Variants in COL4A1 observed in about 807,000 individuals in gnomAD.
COL4A1 encodes collagen type IV alpha 1 chain.
Under a neutral mutation model 216.6 loss-of-function variants are expected in COL4A1, and 40 were observed. The ratio of observed to expected loss-of-function variants is 0.18; its 90% confidence interval spans 0.14 to 0.24. The LOEUF (loss-of-function observed/expected upper bound fraction) is 0.24, where lower values mean the gene tolerates loss of function less well. COL4A1 is among the 10% of genes least tolerant of loss of function. The probability of loss-of-function intolerance (pLI) is 1.00; values close to 1 mark genes in which losing one functional copy is unlikely to be tolerated. For missense variants in COL4A1, 1,628 were observed against 2,196.8 expected, an observed-to-expected ratio of 0.74 and a Z score of 5.18; for synonymous variants, 839 against 810.7, an observed-to-expected ratio of 1.03 and a Z score of -0.59.
intron 2 of COL4A1, among the ~76,000 whole-genome samples, chr13:110,228,294 TG>T (rs1880844777): frequency 6.6e-6 from 1 of 151,846 alleles, no homozygotes; most frequent in South Asian, 2.1e-4. Context: ...AGAACATGTG[TG>T]TTCTTCTCTG....
chr13:110,179,533 A>G (rs1028248633), intron 29 of COL4A1, 112 bp from the exon 30 acceptor site: 30 of 1,474,956 alleles, frequency 2.0e-5, no homozygotes, highest in Non-Finnish European at 2.5e-5. Context: ...TTTAGTAAGA[A>G]TATTATCTGC....
chr13:110,237,389 C>T (rs914562639), intron 2 of COL4A1, among the ~76,000 whole-genome samples: 4 of 152,258 alleles, frequency 2.6e-5, no homozygotes, highest in African/African-American at 7.2e-5. Context: ...GCACCCCCCA[C>T]CCCCCGCCAG....
At chr13:110,282,231 G>A (rs184701372) in intron 1 of COL4A1, among the ~76,000 whole-genome samples, 1 of 152,192 alleles carries the variant, frequency 6.6e-6, no homozygotes, top group East Asian at 1.9e-4. Flanking sequence ...AATACTAGTG[G>A]AGAAAAGTCC....
intron 2 of COL4A1, among the ~76,000 whole-genome samples, chr13:110,239,860 G>A (rs754136074): frequency 4.4e-4 from 67 of 152,180 alleles, no homozygotes; most frequent in Non-Finnish European, 9.1e-4. Context: ...GCTCAGTGAA[G>A]CTGAGGCATT....
chr13:110,221,727 C>G (rs998915109), intron 2 of COL4A1, among the ~76,000 whole-genome samples: 2 of 152,132 alleles, frequency 1.3e-5, no homozygotes, highest in African/African-American at 4.8e-5. Flanking sequence ...AAAAACAGTC[C>G]AAAATGCTCT....
intron 29 of COL4A1, among the ~76,000 whole-genome samples, chr13:110,180,283 C>T (rs903150898): frequency 8.5e-5 from 13 of 152,250 alleles, no homozygotes; most frequent in African/African-American, 2.2e-4. Flanking sequence ...CAAGTTGCCG[C>T]GGTTGACTAA....
intron 18 of COL4A1, among the ~76,000 whole-genome samples, chr13:110,202,772 A>T (rs1879306988): frequency 1.3e-5 from 2 of 152,276 alleles, no homozygotes; most frequent in African/African-American, 4.8e-5. Flanking sequence ...AATGTCACAC[A>T]CATCACTGAC....
At chr13:110,306,700 C>G (rs1884737052) in intron 1 of COL4A1, among the ~76,000 whole-genome samples, 1 of 152,250 alleles carries the variant, frequency 6.6e-6, no homozygotes, top group African/African-American at 2.4e-5. Context: ...TGTTTCTCCT[C>G]CCTTCCCCGG....
At chr13:110,204,207 T>A (rs943513299) in intron 17 of COL4A1, among the ~76,000 whole-genome samples, 1 of 152,180 alleles carries the variant, frequency 6.6e-6, no homozygotes, top group Non-Finnish European at 1.5e-5. Flanking sequence ...ATAAACGTCA[T>A]CGTAATGATT....
At chr13:110,206,995 T>C in intron 13 of COL4A1, 104 bp from the exon 14 acceptor site, 1 of 1,204,148 alleles carries the variant, frequency 8.3e-7, no homozygotes, top group East Asian at 2.4e-5. Context: ...TTTTCTGATA[T>C]ATTAACAAAG....
chr13:110,306,254 G>A (rs1884701109), intron 1 of COL4A1, among the ~76,000 whole-genome samples: 1 of 152,162 alleles, frequency 6.6e-6, no homozygotes, highest in South Asian at 2.1e-4. Flanking sequence ...TTTCACTTTG[G>A]TTTCATGCTC....
At chr13:110,243,701 C>G (rs557757573) in intron 1 of COL4A1, among the ~76,000 whole-genome samples, 1 of 152,224 alleles carries the variant, frequency 6.6e-6, no homozygotes, top group African/African-American at 2.4e-5. Context: ...GGAAAGGAAG[C>G]AAGCTACCAC....
intron 2 of COL4A1, among the ~76,000 whole-genome samples, chr13:110,222,146 C>T (rs1163433926): frequency 6.6e-6 from 1 of 152,180 alleles, no homozygotes; most frequent in Non-Finnish European, 1.5e-5. Flanking sequence ...GCCCTGGCAC[C>T]CCTCAGCACA....
intron 48 of COL4A1, 200 bp downstream of exon 48, chr13:110,162,030 C>G: frequency 1.5e-6 from 1 of 661,744 alleles, no homozygotes; most frequent in South Asian, 1.7e-5. Context: ...ATTAGTAATA[C>G]AGCAGCTGTT....
At chr13:110,283,087 T>C (rs568222820) in intron 1 of COL4A1, among the ~76,000 whole-genome samples, 11 of 152,198 alleles carry the variant, frequency 7.2e-5, no homozygotes, top group Non-Finnish European at 1.6e-4. Context: ...TGCCTGTGAT[T>C]CAGTTCTCTC....
rs1039079649 is a variant in COL4A1, at chr13:110,304,566, G to A, written c.84+2378C>T. Among the ~76,000 whole-genome samples the A allele has an allele frequency of 6.6e-5, 10 of 152,304 alleles. No individual in the cohort carries two copies. The East Asian group carries it at 7.7e-4, about 12-fold the overall frequency. The stretch of plus-strand genomic sequence containing the variant: ...CTCACAATCAGAACACTGCTGGCAC[G>A]TGTTTGTCTGGAGCCTGCAAGCTAT... On this transcript the variant is annotated intron_variant, in intron 1 of 51. Transcript: ENST00000375820.
intron 2 of COL4A1, among the ~76,000 whole-genome samples, chr13:110,236,581 G>A (rs528545631): frequency 4.6e-5 from 7 of 152,324 alleles, no homozygotes; most frequent in African/African-American, 1.7e-4. Context: ...CTGAGTCAAA[G>A]AGAGGACGTG....
chr13:110,272,249 G>T (rs1883270803), intron 1 of COL4A1, among the ~76,000 whole-genome samples: 1 of 152,160 alleles, frequency 6.6e-6, no homozygotes, highest in Non-Finnish European at 1.5e-5. Context: ...AAAAAATGAA[G>T]TATACCTACA....
In COL4A1 at chr13:110,172,606, C is replaced by T. The variant is rs1877696313; in HGVS notation, c.3556+114G>A. The T allele has an allele frequency of 5.0e-6, 5 of 1,003,592 alleles. No homozygotes were observed. In the Admixed American group the frequency reaches 5.1e-5, roughly 10 times the overall value. 62.2% of individuals were successfully genotyped at this position (1,003,592 alleles called of 1,614,324 possible). On this transcript the variant is annotated intron_variant, in intron 41 of 51. Transcript: ENST00000375820. ...TGGGCTCAGCACCCATCCTCCATCC[C>T]GTTGCTGCCTGGCCAACAGGCATGG...
Sources: gnomAD v4.1 joint callset for allele counts (sites outside exome capture counted in the v4.1 genomes callset) on GRCh38, gnomAD v4.1.1 for gene constraint, MANE v1.5 for transcripts, NCBI Gene and HGNC (gene_info 2026-07-23, HGNC 2026-07-21) for gene names.